TOM1L1: variants seen among roughly 807,000 people sequenced by gnomAD.
The protein encoded by TOM1L1 is TOM1-like protein 1.
A neutral mutation model predicts 63.4 loss-of-function variants in TOM1L1; 64 were observed. That is an observed-to-expected ratio of 1.01 (90% confidence interval 0.83 to 1.24). The LOEUF (loss-of-function observed/expected upper bound fraction) is 1.24. Ranked by LOEUF, TOM1L1 falls within the 50% of genes most tolerant of loss-of-function variation. The pLI is 0.00. For synonymous variants in TOM1L1, 166 were observed against 194.4 expected, an observed-to-expected ratio of 0.85 and a Z score of 1.22; for missense variants, 536 against 567.0, an observed-to-expected ratio of 0.95 and a Z score of 0.55.
At chr17:54,940,692 G>A (rs548634461) in intron 11 of TOM1L1, among the ~76,000 whole-genome samples, 11 of 152,190 alleles carry the variant, frequency 7.2e-5, no homozygotes, top group Middle Eastern at 6.8e-3. Flanking sequence ...AAGGTGCTAA[G>A]TAGTGTGTGT....
intron 11 of TOM1L1, among the ~76,000 whole-genome samples, chr17:54,939,938 C>A (rs1427463800): frequency 1.3e-5 from 2 of 152,112 alleles, no homozygotes; most frequent in African/African-American, 2.4e-5. Flanking sequence ...GTTTGTATAG[C>A]CAGTAAGTAG....
Position 54,923,904 on chromosome 17 carries a change from G to A in TOM1L1, c.721-6169G>A, listed in dbSNP as rs2048724583. Among the ~76,000 whole-genome samples, 2 of 152,016 alleles carry A rather than the reference G, an allele frequency of 1.3e-5. 1 individual carries two copies. The highest frequency in any genetic ancestry group is 4.8e-5 in the African/African-American group (2 of 41,368). ...GGAGGTTGAGGCAGTGAGCTGCCTG[G>A]GAGCTTGAACCTGGGAGGTGGAGGT... On this transcript the variant is annotated intron_variant, in intron 7 of 15. Transcript: ENST00000575882.
chr17:54,960,640 A>G lies in TOM1L1; in HGVS notation c.*1+13A>G. 1 of 1,562,440 alleles carries G rather than the reference A, an allele frequency of 6.4e-7. No homozygotes were observed. Among genetic ancestry groups the G allele is most frequent in the Non-Finnish European group, 8.8e-7 (1 of 1,133,952 alleles). ...GATGGTGACTGAGGTAAAGACTTCA[A>G]CTTATACAACTTAATTCCATATTCC... On this transcript the variant is annotated intron_variant, in intron 15 of 15. Transcript: ENST00000575882.
intron 12 of TOM1L1, 92 bp from the exon 13 acceptor site, chr17:54,949,426 G>T: frequency 2.2e-6 from 2 of 922,800 alleles, no homozygotes; most frequent in Non-Finnish European, 3.4e-6. Flanking sequence ...CAAAGTTCTT[G>T]GAACAATGTA....
chr17:54,938,831 C>CTTTTTTTTTTTTTTTTT, intron 10 of TOM1L1, 93 bp from the exon 11 acceptor site: 2 of 577,534 alleles, frequency 3.5e-6, no homozygotes, highest in Non-Finnish European at 5.6e-6. Context: ...TTTTCTTTTT[C>CTTTTTTTTTTTTTTTTT]TTTTTTCTTT....
intron 3 of TOM1L1, among the ~76,000 whole-genome samples, chr17:54,909,562 C>T (rs1039103727): frequency 6.6e-6 from 1 of 152,176 alleles, no homozygotes; most frequent in East Asian, 1.9e-4. Flanking sequence ...GGAAGTTCTC[C>T]ATGGAAGATG....
At chr17:54,907,458 C>G (rs1448103134) in intron 3 of TOM1L1, among the ~76,000 whole-genome samples, 1 of 152,202 alleles carries the variant, frequency 6.6e-6, no homozygotes, top group Non-Finnish European at 1.5e-5. Context: ...ATGCCCTTGC[C>G]TCATGCCACT....
chr17:54,931,955 TTTTTG>T (rs1161812214), intron 8 of TOM1L1, among the ~76,000 whole-genome samples: 2 of 112,544 alleles, frequency 1.8e-5, no homozygotes, highest in East Asian at 2.9e-4. Flanking sequence ...CTTCGTTTTT[TTTTTG>T]TTTGTTTGTT....
In TOM1L1 at chr17:54,947,137, A is replaced by G. The variant is rs968821818; in HGVS notation, c.1131-124A>G. The G allele has an allele frequency of 4.7e-6, 4 of 857,912 alleles. No homozygotes were observed. In the African/African-American group the frequency reaches 5.1e-5, roughly 11 times the overall value. The allele number at this position is 857,912 out of a possible 1,614,324, so 53.1% of individuals were successfully genotyped here. On this transcript the variant is annotated intron_variant, in intron 11 of 15. Transcript: ENST00000575882. The stretch of plus-strand genomic sequence containing the variant: ...TTGTTTTATAAACAGTTATTACAAA[A>G]TGACACTTTATGCAGTCTGAAGGTA...
chr17:54,947,377 C>A, intron 12 of TOM1L1, 65 bp downstream of exon 12: 1 of 1,522,286 alleles, frequency 6.6e-7, no homozygotes, highest in Non-Finnish European at 9.1e-7. Flanking sequence ...CAGAAAAGAA[C>A]TCATGGTCAT....
chr17:54,931,949 G>GTTTTTTTTTTTTTTTTTTTTTTT (rs10632110), intron 8 of TOM1L1, among the ~76,000 whole-genome samples: 2 of 121,478 alleles, frequency 1.6e-5, no homozygotes, highest in African/African-American at 3.2e-5. Context: ...TTTTTTCTTC[G>GTTTTTTTTTTTTTTTTTTTTTTT]TTTTTTTTTT....
At chr17:54,951,715 T>G (rs1397537075) in intron 14 of TOM1L1, among the ~76,000 whole-genome samples, 7 of 152,170 alleles carry the variant, frequency 4.6e-5, no homozygotes, top group Non-Finnish European at 8.8e-5. Flanking sequence ...GACTTCTAGA[T>G]CATTTAGATA....
intron 11 of TOM1L1, among the ~76,000 whole-genome samples, chr17:54,941,987 C>T (rs554238427): frequency 7.2e-5 from 11 of 152,290 alleles, no homozygotes; most frequent in Middle Eastern, 6.8e-3. Flanking sequence ...TTTTTTCCAT[C>T]CCTTTGTTTG....
intron 7 of TOM1L1, among the ~76,000 whole-genome samples, chr17:54,929,463 G>T (rs1195139705): frequency 6.6e-6 from 1 of 152,084 alleles, no homozygotes; most frequent in East Asian, 1.9e-4. Flanking sequence ...TGATTTGTTT[G>T]TTAATCCTGT....
intron 7 of TOM1L1, 23 bp downstream of exon 7, chr17:54,915,885 ATCAG>A (rs1567824171): frequency 6.4e-7 from 1 of 1,569,576 alleles, no homozygotes; most frequent in South Asian, 1.1e-5. Flanking sequence ...TTCAGGGACT[ATCAG>A]TCAAAGTGTC....
rs1184885288 is a variant in TOM1L1 at position 54,937,163 on chromosome 17, C to A, written c.970C>A (p.Pro324Thr). Residue 324 changes from proline (P) to threonine (T), a missense_variant, in exon 10 of 16, where the codon CCC becomes ACC. By Grantham distance (38) the Pro-to-Thr change is conservative (BLOSUM62 -1). Transcript: ENST00000575882. The stretch of plus-strand genomic sequence containing the variant: ...AGATCTCCTCGACCTAAGTCCCAGT[C>A]CCCGGATGCCTAGGGCCACTCTGGG... ...SQDLLDLSPSPRMPRATLGEL... is the reference protein window; with the variant it reads ...SQDLLDLSPSTRMPRATLGEL... 2 of 1,613,570 alleles carry A rather than the reference C, an allele frequency of 1.2e-6. No individual in the cohort carries two copies. The highest frequency in any genetic ancestry group is 3.3e-5 in the Admixed American group (2 of 59,940).
intron 12 of TOM1L1, 55 bp from the exon 13 acceptor site, chr17:54,949,463 A>C: frequency 2.6e-6 from 2 of 768,482 alleles, no homozygotes; most frequent in South Asian, 3.5e-5. Context: ...TCTCAGTAAT[A>C]AAAGAAAAGC....
intron 5 of TOM1L1, among the ~76,000 whole-genome samples, chr17:54,914,409 T>C (rs1254651938): frequency 1.3e-5 from 2 of 151,868 alleles, no homozygotes; most frequent in Admixed American, 6.6e-5. Context: ...AAATTGTAAA[T>C]GATAATCCTA....
chr17:54,917,510 T>A (rs914474777), intron 7 of TOM1L1: 2 of 152,204 alleles, frequency 1.3e-5, no homozygotes, highest in East Asian at 1.9e-4. Context: ...AAAATATTTT[T>A]AAAATATGTT....
Sources: allele counts gnomAD v4.1 joint callset (sites outside exome capture counted in the v4.1 genomes callset), GRCh38; gene constraint gnomAD v4.1.1; transcripts MANE v1.5; gene names NCBI Gene and HGNC (gene_info 2026-07-23, HGNC 2026-07-21).